Variants in AXDND1 observed in about 807,000 individuals in gnomAD.
AXDND1 encodes the protein axonemal dynein light chain domain containing 1, also known as axonemal dynein light chain domain-containing protein 1.
AXDND1 carries 110 observed loss-of-function variants against 137.5 expected under a neutral mutation model. The ratio of observed to expected loss-of-function variants is 0.80; its 90% CI spans 0.69 to 0.94. The LOEUF is 0.94. AXDND1 is among the 40% of genes least tolerant of loss of function. The probability of loss-of-function intolerance (pLI) is 0.00; values close to 1 mark genes in which losing one functional copy is unlikely to be tolerated. For missense variants in AXDND1, 1,191 were observed against 1,169.8 expected (o/e 1.02, Z -0.26); for synonymous variants, 414 against 399.7 (o/e 1.04, Z -0.43).
At chr1:179,405,062 C>G (rs570157802) in intron 11 of AXDND1, among the ~76,000 whole-genome samples, 3 of 152,002 alleles carry the variant, frequency 2.0e-5, no homozygotes, top group African/African-American at 4.8e-5. Flanking sequence ...TCCTAATGCT[C>G]TCCCTCCCCT....
chr1:179,408,968 CTTT>C (rs74384865), intron 11 of AXDND1, among the ~76,000 whole-genome samples: 240 of 126,378 alleles, frequency 1.9e-3, no homozygotes, highest in South Asian at 6.6e-3. Flanking sequence ...TTTTTTCTTT[CTTT>C]TTTTTTTTTT....
chr1:179,438,289 AT>A (rs1658519100), intron 15 of AXDND1, among the ~76,000 whole-genome samples: 1 of 152,240 alleles, frequency 6.6e-6, no homozygotes, highest in Non-Finnish European at 1.5e-5. Context: ...TGACACAAAT[AT>A]GAGTGTGATT....
chr1:179,489,935 T>A (rs1666683629), intron 18 of AXDND1, among the ~76,000 whole-genome samples: 1 of 152,100 alleles, frequency 6.6e-6, no homozygotes, highest in South Asian at 2.1e-4. Context: ...TAGTAGAGAC[T>A]GGGTTTCACT....
chr1:179,467,878 A>G (rs956447688), intron 16 of AXDND1, among the ~76,000 whole-genome samples: 1 of 152,198 alleles, frequency 6.6e-6, no homozygotes, highest in African/African-American at 2.4e-5. Context: ...TATTTTGCAA[A>G]TAAATAAGAA....
intron 12 of AXDND1, among the ~76,000 whole-genome samples, chr1:179,414,212 G>A (rs1489426993): frequency 1.3e-5 from 2 of 151,420 alleles, no homozygotes; most frequent in Non-Finnish European, 2.9e-5. Context: ...AAAACCCAAC[G>A]TATTACCTAT....
intron 4 of AXDND1, among the ~76,000 whole-genome samples, chr1:179,378,014 C>G (rs754737238): frequency 4.6e-5 from 7 of 151,972 alleles, no homozygotes; most frequent in Non-Finnish European, 7.4e-5. Context: ...ACTAAAAATA[C>G]AAAAAATTAG....
intron 17 of AXDND1, among the ~76,000 whole-genome samples, chr1:179,479,367 T>A (rs1281108617): frequency 6.7e-6 from 1 of 150,152 alleles, no homozygotes. Context: ...CCCAGCTACT[T>A]GGGAGGCTGA....
chr1:179,504,678 C>G (rs1668360369), intron 20 of AXDND1, among the ~76,000 whole-genome samples: 1 of 152,136 alleles, frequency 6.6e-6, no homozygotes, highest in Non-Finnish European at 1.5e-5. Context: ...CTGCGCCACC[C>G]CATCCCCTGA....
intron 18 of AXDND1, among the ~76,000 whole-genome samples, chr1:179,484,997 C>T (rs2125548920): frequency 6.6e-6 from 1 of 151,366 alleles, no homozygotes; most frequent in African/African-American, 2.4e-5. Flanking sequence ...CTGCCTCCCA[C>T]CTTGTGCAGC....
intron 17 of AXDND1, among the ~76,000 whole-genome samples, chr1:179,480,583 C>G (rs1199811007): frequency 6.6e-6 from 1 of 152,208 alleles, no homozygotes; most frequent in African/African-American, 2.4e-5. Context: ...CTCTCACAGG[C>G]AGTTTCTGTT....
chr1:179,411,210 AAGTT>A lies in AXDND1; in HGVS notation c.1178_1181del (p.Leu393TrpfsTer16). The A allele has an allele frequency of 1.2e-6, 2 of 1,612,792 alleles. No homozygotes were observed. The highest frequency in any genetic ancestry group is 1.7e-6 in the Non-Finnish European group (2 of 1,179,558). On this transcript the variant is annotated frameshift_variant, in exon 12 of 26. Coordinates refer to ENST00000367618, the MANE Select transcript of AXDND1 (RefSeq NM_144696.6). LOFTEE classifies it high-confidence loss of function. Reference sequence around the variant, plus strand: ...AGAAAGGATGGAGAATGATATGAAAAAGTTAGTGGCAGAAAGAGATATCTGGAGC... The same window carrying A: ...AGAAAGGATGGAGAATGATATGAAAAAGTGGCAGAAAGAGATATCTGGAGC...
chr1:179,516,969 T>C (rs1669600234), intron 21 of AXDND1, among the ~76,000 whole-genome samples: 1 of 152,182 alleles, frequency 6.6e-6, no homozygotes, highest in Non-Finnish European at 1.5e-5. Context: ...GAGCATCAGC[T>C]GTGATAGTAT....
intron 16 of AXDND1, among the ~76,000 whole-genome samples, chr1:179,464,759 C>T (rs531118878): frequency 1.3e-5 from 2 of 152,162 alleles, no homozygotes; most frequent in East Asian, 3.8e-4. Flanking sequence ...CACCAATAGA[C>T]GTAGATTTGG....
intron 16 of AXDND1, chr1:179,452,716 A>G (rs1346431167): frequency 2.8e-5 from 4 of 144,198 alleles, no homozygotes; most frequent in African/African-American, 8.6e-5. Context: ...AAAAAAAAAA[A>G]AAAAAGAAAA....
chr1:179,383,522 A>C lies in AXDND1; in HGVS notation c.719A>C (p.Gln240Pro). The change falls in exon 8 of 26, where the codon CAG becomes CCG. Residue 240 changes from glutamine (Q) to proline (P), a missense_variant. By Grantham distance (76) the Gln-to-Pro change is moderately conservative (BLOSUM62 -1). Transcript: ENST00000367618. ...TMLERAGVENQEYTGPTKMHK... is the reference protein window; with the variant it reads ...TMLERAGVENPEYTGPTKMHK... ...CTAGAGAGGGCTGGTGTGGAAAATC[A>C]GGAATATACAGGACCAACGAAGGTA... 6.2e-7 allele frequency: 1 copy of C among 1,613,640 alleles called. No individual in the cohort carries two copies. Among genetic ancestry groups the C allele is most frequent in the Non-Finnish European group, 8.5e-7 (1 of 1,179,596 alleles).
At chr1:179,439,655 C>T (rs1429688135) in intron 15 of AXDND1, among the ~76,000 whole-genome samples, 3 of 152,154 alleles carry the variant, frequency 2.0e-5, no homozygotes, top group Non-Finnish European at 4.4e-5. Context: ...TTTGCCTGTC[C>T]CTGATGCTCC....
At chr1:179,402,655 T>A (rs1322856403) in intron 11 of AXDND1, among the ~76,000 whole-genome samples, 1 of 152,196 alleles carries the variant, frequency 6.6e-6, no homozygotes, top group East Asian at 1.9e-4. Flanking sequence ...TATGCTATAA[T>A]TACTCCCATC....
intron 25 of AXDND1, among the ~76,000 whole-genome samples, chr1:179,538,289 GTCAATGTTAGA>G (rs1299675063): frequency 7.9e-5 from 12 of 152,138 alleles, no homozygotes; most frequent in African/African-American, 2.9e-4. Flanking sequence ...ATGTTAGGGT[GTCAATGTTAGA>G]TCTTTCCTGC....
intron 11 of AXDND1, among the ~76,000 whole-genome samples, chr1:179,397,981 G>A (rs931793842): frequency 6.6e-6 from 1 of 152,098 alleles, no homozygotes; most frequent in African/African-American, 2.4e-5. Context: ...CATGAATTCT[G>A]TTTGTGTCAT....
Sources: allele counts gnomAD v4.1 joint callset (sites outside exome capture counted in the v4.1 genomes callset), GRCh38; gene constraint gnomAD v4.1.1; transcripts MANE v1.5; gene names NCBI Gene and HGNC (gene_info 2026-07-23, HGNC 2026-07-21).